FSTL5: variants seen among roughly 807,000 people sequenced by gnomAD.
The protein encoded by FSTL5 is follistatin like 5.
A neutral mutation model predicts 89.1 loss-of-function variants in FSTL5; 62 were observed. The observed-to-expected ratio is 0.70, with a 90% CI of 0.57 to 0.86. The LOEUF is 0.86. FSTL5 is among the 40% of genes least tolerant of loss of function. FSTL5 has a pLI of 0.00. For synonymous variants in FSTL5, 383 were observed against 346.2 expected (o/e 1.11, Z -1.18); for missense variants, 1,057 against 1,001.6 (o/e 1.06, Z -0.75).
At chr4:161,517,062 T>C (rs1485361764) in intron 10 of FSTL5, among the ~76,000 whole-genome samples, 1 of 152,116 alleles carries the variant, frequency 6.6e-6, no homozygotes, top group Non-Finnish European at 1.5e-5. Context: ...CTAATTTTTA[T>C]ATTTTTCATA....
intron 8 of FSTL5, among the ~76,000 whole-genome samples, chr4:161,569,109 T>A (rs1191647975): frequency 6.6e-6 from 1 of 152,174 alleles, no homozygotes; most frequent in African/African-American, 2.4e-5. Context: ...GCCTCCTTAG[T>A]ATCTGAGACT....
chr4:161,423,411 C>A (rs2126318795), intron 15 of FSTL5, among the ~76,000 whole-genome samples: 1 of 152,204 alleles, frequency 6.6e-6, no homozygotes, highest in Admixed American at 6.5e-5. Context: ...AAAATCCTCT[C>A]AATTGCTTTC....
At chr4:161,897,444 T>C (rs190250772) in intron 4 of FSTL5, among the ~76,000 whole-genome samples, 1 of 151,462 alleles carries the variant, frequency 6.6e-6, no homozygotes, top group African/African-American at 2.4e-5. Flanking sequence ...AATATGTTTA[T>C]AGAAAAATAT....
intron 12 of FSTL5, among the ~76,000 whole-genome samples, chr4:161,482,735 A>G (rs1248084291): frequency 6.6e-6 from 1 of 152,224 alleles, no homozygotes; most frequent in African/African-American, 2.4e-5. Flanking sequence ...TTGGAAATTA[A>G]TGTAAATAGC....
At chr4:161,821,422 T>C (rs1189822939) in intron 4 of FSTL5, among the ~76,000 whole-genome samples, 1 of 152,136 alleles carries the variant, frequency 6.6e-6, no homozygotes, top group Non-Finnish European at 1.5e-5. Context: ...AAAAAGTTCT[T>C]TATTATTATT....
intron 8 of FSTL5, among the ~76,000 whole-genome samples, chr4:161,559,546 T>C (rs573461209): frequency 2.2e-3 from 327 of 152,072 alleles, no homozygotes; most frequent in Non-Finnish European, 3.7e-3. Context: ...AGCTAAAACA[T>C]ACAAAAAGTA....
intron 3 of FSTL5, among the ~76,000 whole-genome samples, chr4:162,026,304 C>CTTTGTTTTTTTTTTTTTTTTTTTTTT (rs1737281523): frequency 1.3e-5 from 1 of 79,474 alleles, no homozygotes; most frequent in Non-Finnish European, 2.2e-5. Flanking sequence ...TATGTATTTT[C>CTTTGTTTTTTTTTTTTTTTTTTTTTT]TTTTTTTTTT....
At chr4:161,981,916 A>G (rs1735837638) in intron 3 of FSTL5, among the ~76,000 whole-genome samples, 1 of 152,234 alleles carries the variant, frequency 6.6e-6, no homozygotes, top group African/African-American at 2.4e-5. Context: ...TATAAAAATA[A>G]CTTTAGTTAC....
At chr4:162,088,589 T>A (rs1236916488) in intron 2 of FSTL5, among the ~76,000 whole-genome samples, 1 of 152,112 alleles carries the variant, frequency 6.6e-6, no homozygotes, top group African/African-American at 2.4e-5. Context: ...ACTAGATGAT[T>A]TTTAACACCC....
At chr4:161,535,704 G>T (rs545815125) in intron 10 of FSTL5, among the ~76,000 whole-genome samples, 15 of 152,052 alleles carry the variant, frequency 9.9e-5, no homozygotes, top group African/African-American at 3.6e-4. Context: ...TAAAACAGAC[G>T]TTACTATTTG....
intron 4 of FSTL5, among the ~76,000 whole-genome samples, chr4:161,866,488 G>GTGTGTGTGTGTA (rs1732095590): frequency 6.6e-6 from 1 of 150,798 alleles, no homozygotes; most frequent in Non-Finnish European, 1.5e-5. Context: ...GTGTGTGTGT[G>GTGTGTGTGTGTA]TGTGTGTGTG....
intron 10 of FSTL5, among the ~76,000 whole-genome samples, chr4:161,527,380 T>G (rs1731260359): frequency 6.6e-6 from 1 of 152,142 alleles, no homozygotes; most frequent in Non-Finnish European, 1.5e-5. Flanking sequence ...GGAGAAAATT[T>G]TCGCAACCTA....
At chr4:161,705,952 GTATATATATATATATATATATA>G (rs1206067350) in intron 6 of FSTL5, among the ~76,000 whole-genome samples, 1 of 30,672 alleles carries the variant, frequency 3.3e-5, no homozygotes, top group South Asian at 1.6e-3. Flanking sequence ...GTAGATGTGT[GTATATATATATATATATATATA>G]TATATATATA....
At chr4:162,105,856 G>A (rs1390531517) in intron 2 of FSTL5, among the ~76,000 whole-genome samples, 1 of 152,060 alleles carries the variant, frequency 6.6e-6, no homozygotes, top group African/African-American at 2.4e-5. Context: ...TCTTGAATAT[G>A]CTGCCAGCAA....
intron 1 of FSTL5, among the ~76,000 whole-genome samples, chr4:162,147,165 A>G (rs554303474): frequency 6.6e-6 from 1 of 152,090 alleles, no homozygotes; most frequent in African/African-American, 2.4e-5. Flanking sequence ...CTTCTTAACT[A>G]TGATTTCACT....
chr4:161,467,079 A>C (rs1733771722), intron 13 of FSTL5, among the ~76,000 whole-genome samples: 1 of 152,104 alleles, frequency 6.6e-6, no homozygotes, highest in South Asian at 2.1e-4. Flanking sequence ...ACTGGACTGA[A>C]AAAGAAAACT....
chr4:161,524,263 C>T (rs765190119), intron 10 of FSTL5, among the ~76,000 whole-genome samples: 4 of 152,118 alleles, frequency 2.6e-5, no homozygotes, highest in Non-Finnish European at 5.9e-5. Flanking sequence ...CCACCCCGCC[C>T]ACCACAACTT....
intron 4 of FSTL5, among the ~76,000 whole-genome samples, chr4:161,829,139 T>TCA (rs376398343): frequency 7.1e-6 from 1 of 139,934 alleles, no homozygotes; most frequent in Non-Finnish European, 1.5e-5. Flanking sequence ...CAGTCACATT[T>TCA]TATATATATA....
At chr4:161,690,435 T>C (rs1053560623) in intron 6 of FSTL5, among the ~76,000 whole-genome samples, 6 of 152,180 alleles carry the variant, frequency 3.9e-5, no homozygotes, top group African/African-American at 1.4e-4. Flanking sequence ...TATATGCTTG[T>C]TGACTATTTG....
Sources: allele counts gnomAD v4.1 joint callset (sites outside exome capture counted in the v4.1 genomes callset), GRCh38; gene constraint gnomAD v4.1.1; transcripts MANE v1.5; gene names NCBI Gene and HGNC (gene_info 2026-07-23, HGNC 2026-07-21).